TRAF1: variants seen among roughly 807,000 people sequenced by gnomAD.
TRAF1 encodes TNF receptor-associated factor 1.
In TRAF1, 23 loss-of-function variants were observed where a neutral mutation model predicts 40.9. The ratio of observed to expected loss-of-function variants is 0.56; its 90% confidence interval spans 0.40 to 0.80. TRAF1 has a LOEUF of 0.80. TRAF1 is among the 30% of genes least tolerant of loss of function. TRAF1 has a pLI of 0.00. For missense variants in TRAF1, 477 were observed against 528.7 expected (o/e 0.90, Z 0.96); for synonymous variants, 206 against 218.8 (o/e 0.94, Z 0.52).
intron 3 of TRAF1, among the ~76,000 whole-genome samples, chr9:120,919,000 G>T (rs1352111171): frequency 6.6e-6 from 1 of 152,188 alleles, no homozygotes; most frequent in Admixed American, 6.5e-5. Flanking sequence ...GGGCAGGCGA[G>T]GGGAGCCCAG....
At chr9:120,907,018 A>C (rs1363189604) in intron 7 of TRAF1, among the ~76,000 whole-genome samples, 3 of 152,134 alleles carry the variant, frequency 2.0e-5, no homozygotes, top group Non-Finnish European at 2.9e-5. Context: ...ACAGGCACAC[A>C]TCACAATGCC....
At chr9:120,906,125 C>G (rs2046479843) in intron 7 of TRAF1, among the ~76,000 whole-genome samples, 1 of 152,026 alleles carries the variant, frequency 6.6e-6, no homozygotes, top group South Asian at 2.1e-4. Flanking sequence ...TGCTGTTCAC[C>G]CACAGGAAAT....
At chr9:120,905,296 C>T in intron 7 of TRAF1, 58 bp from the exon 8 acceptor site, 4 of 1,523,530 alleles carry the variant, frequency 2.6e-6, no homozygotes, top group Non-Finnish European at 3.6e-6. Context: ...AGCTTGGAGG[C>T]CCAGGCTTGG....
In TRAF1 at chr9:120,903,438, G is replaced by A. The variant is rs1588145985; in HGVS notation, c.*1582C>T. ...TGACCCATTGAGACTGCCGTGCCAC[G>A]ATGCTCCGTCACCTCCTTTGATCCT... On this transcript the variant is annotated 3_prime_UTR_variant, in exon 8 of 8. Coordinates refer to ENST00000373887, the MANE Select transcript of TRAF1 (RefSeq NM_005658.5). 6.6e-6 allele frequency: 1 copy of A among 152,330 alleles called. No individual in the cohort carries two copies. Among genetic ancestry groups the A allele is most frequent in the Admixed American group, 6.5e-5 (1 of 15,284 alleles). The allele number at this position is 152,330 out of a possible 1,614,324, so 9.4% of individuals were successfully genotyped here.
chr9:120,912,663 A>G (rs1400394782), intron 5 of TRAF1, among the ~76,000 whole-genome samples: 4 of 130,038 alleles, frequency 3.1e-5, no homozygotes, highest in Admixed American at 1.7e-4. Context: ...CTCAAAGGAA[A>G]AAAAAAAAGA....
chr9:120,906,459 G>A (rs1028458126), intron 7 of TRAF1, among the ~76,000 whole-genome samples: 8 of 152,068 alleles, frequency 5.3e-5, no homozygotes, highest in African/African-American at 1.4e-4. Flanking sequence ...AATTACAGGC[G>A]TGCGCCACCA....
chr9:120,911,551 C>T lies in TRAF1; in HGVS notation c.706-38G>A, dbSNP rs17848028. The T allele has an allele frequency of 1.6e-3, 2,534 of 1,590,222 alleles. 63 individuals are homozygous for T. In the East Asian group the frequency reaches 0.051, roughly 32 times the overall value. ...CTGTTCAGCCAGGAACACCAGAACCCGGCTTGGGGATGGGATGGGAATGGC... is the reference window on the plus strand; with the variant it reads ...CTGTTCAGCCAGGAACACCAGAACCTGGCTTGGGGATGGGATGGGAATGGC... On this transcript the variant is annotated intron_variant, in intron 5 of 7. Transcript: ENST00000373887.
chr9:120,913,210 G>A (rs903484969), intron 5 of TRAF1, 118 bp downstream of exon 5: 3 of 1,287,406 alleles, frequency 2.3e-6, no homozygotes, highest in Non-Finnish European at 2.1e-6. Context: ...GGGGAGATAC[G>A]TTTTGATGGA....
intron 3 of TRAF1, among the ~76,000 whole-genome samples, chr9:120,920,593 C>T (rs2046598485): frequency 6.6e-6 from 1 of 152,208 alleles, no homozygotes; most frequent in Admixed American, 6.5e-5. Context: ...TCTCCAGCCC[C>T]CTGGCATCCC....
rs1016650514 is a variant in TRAF1 at position 120,926,271 on chromosome 9, C to T, written c.-196G>A. The T allele has an allele frequency of 3.8e-5, 19 of 495,992 alleles. No homozygotes were observed. The highest frequency in any genetic ancestry group is 2.0e-4 in the Admixed American group (5 of 25,418). The allele number at this position is 495,992 out of a possible 1,614,324, so 30.7% of individuals were successfully genotyped here. A position where few individuals can be genotyped will look rare whatever the true frequency, so the allele number is the denominator to read the frequency against. On this transcript the variant is annotated 5_prime_UTR_variant, in exon 2 of 8. Coordinates refer to ENST00000373887, the MANE Select transcript of TRAF1 (RefSeq NM_005658.5). Reference sequence around the variant, plus strand: ...ATGGAGCAGGAATTACCCTTTGTGGCGATAAAAATCCCCTGGATGGTGACT... The same window carrying T: ...ATGGAGCAGGAATTACCCTTTGTGGTGATAAAAATCCCCTGGATGGTGACT...
chr9:120,925,430 G>A (rs763462343), intron 2 of TRAF1, among the ~76,000 whole-genome samples: 3 of 152,124 alleles, frequency 2.0e-5, no homozygotes, highest in African/African-American at 7.2e-5. Context: ...AATATATATC[G>A]ATCTCTTTGT....
chr9:120,914,295 G>T lies in TRAF1; in HGVS notation c.234C>A (p.His78Gln). The change falls in exon 4 of 8, where the codon CAC becomes CAA. Residue 78 changes from histidine to glutamine, a missense_variant. By Grantham distance (24) the His-to-Gln change is conservative. Transcript: ENST00000373887. Reference protein sequence around the residue: ...GSRLRTQEKAHPEVAEAGIGC... With the variant: ...GSRLRTQEKAQPEVAEAGIGC... ...CAATTCCAGCCTCAGCCACCTCGGG[G>T]TGAGCCTGGAAATAATAATCACATC... is the stretch of plus-strand genomic sequence containing the variant. The T allele has an allele frequency of 1.3e-6, 2 of 1,520,408 alleles. No individual in the cohort carries two copies. Among genetic ancestry groups the T allele is most frequent in the Middle Eastern group, 1.8e-4 (1 of 5,570 alleles). 94.2% of individuals were successfully genotyped at this position (1,520,408 alleles called of 1,614,324 possible).
rs1168551838 is a variant in TRAF1, at chr9:120,913,520, C to T, written c.513G>A (p.Glu171=). 1.2e-6 allele frequency: 2 copies of T among 1,613,870 alleles called. No individual in the cohort carries two copies. The highest frequency in any genetic ancestry group is 1.3e-5 in the African/African-American group (1 of 74,952). Residue 171 remains glutamate, a synonymous_variant, in exon 5 of 8, where the codon GAG becomes GAA. Transcript: ENST00000373887. The part of the protein sequence containing the change: ...EVDCYRAPCS[E]SQEELALQHF... Reference sequence around the variant, plus strand: ...GCTGCAGGGCCAGCTCCTCCTGGCTCTCGGAGCAGGGTGCCCGGTAGCAAT... The same window carrying T: ...GCTGCAGGGCCAGCTCCTCCTGGCTTTCGGAGCAGGGTGCCCGGTAGCAAT...
At chr9:120,928,424 A>G (rs2046654506), upstream of TRAF1, 1 of 152,198 alleles carries the variant, frequency 6.6e-6, no homozygotes, top group Non-Finnish European at 1.5e-5. Flanking sequence ...CCCAGTTTCT[A>G]TCCAACCAGC....
chr9:120,909,892 G>T (rs1000870209), intron 6 of TRAF1, among the ~76,000 whole-genome samples: 1 of 152,286 alleles, frequency 6.6e-6, no homozygotes, highest in East Asian at 1.9e-4. Context: ...GTCCCCTGGA[G>T]GCTGAGGGTA....
intron 7 of TRAF1, among the ~76,000 whole-genome samples, chr9:120,907,466 C>A (rs773904649): frequency 6.6e-6 from 1 of 152,190 alleles, no homozygotes; most frequent in East Asian, 1.9e-4. Flanking sequence ...TTCAACTCCT[C>A]TAAGTAAACT....
At chr9:120,915,608 G>C (rs994165108) in intron 3 of TRAF1, among the ~76,000 whole-genome samples, 1 of 152,126 alleles carries the variant, frequency 6.6e-6, no homozygotes, top group African/African-American at 2.4e-5. Context: ...TGAGGCAAGA[G>C]GATTACTTGA....
intron 7 of TRAF1, 43 bp from the exon 8 acceptor site, chr9:120,905,281 A>G (rs906833955): frequency 1.9e-6 from 3 of 1,556,796 alleles, no homozygotes; most frequent in Non-Finnish European, 2.6e-6. Flanking sequence ...CTACAGCAGC[A>G]GCGCAGCTTG....
At chr9:120,908,833 T>C (rs2046503328) in intron 7 of TRAF1, among the ~76,000 whole-genome samples, 1 of 152,194 alleles carries the variant, frequency 6.6e-6, no homozygotes, top group African/African-American at 2.4e-5. Flanking sequence ...TTGTTGAGAT[T>C]ACAGGCTTGA....
Sources: allele counts gnomAD v4.1 joint callset (sites outside exome capture counted in the v4.1 genomes callset), GRCh38; gene constraint gnomAD v4.1.1; transcripts MANE v1.5; gene names NCBI Gene and HGNC (gene_info 2026-07-23, HGNC 2026-07-21).